The following PDE1A variants were observed in gnomAD, a reference collection of about 807,000 sequenced individuals.
PDE1A encodes phosphodiesterase 1A.
A neutral mutation model predicts 61.7 loss-of-function variants in PDE1A; 35 were observed. That is an observed-to-expected ratio of 0.57 (90% CI 0.43 to 0.75). The LOEUF is 0.75. Among genes scored for constraint, PDE1A ranks in the 30% least tolerant of loss-of-function variants. The pLI, the probability that PDE1A is intolerant of heterozygous loss-of-function variation, is 0.00. For synonymous variants in PDE1A, 232 were observed against 213.2 expected (o/e 1.09, Z -0.77); for missense variants, 597 against 630.6 (o/e 0.95, Z 0.57).
At chr2:182,207,629 G>A (rs989374785) in intron 7 of PDE1A, among the ~76,000 whole-genome samples, 4 of 152,212 alleles carry the variant, frequency 2.6e-5, no homozygotes, top group Non-Finnish European at 5.9e-5. Flanking sequence ...CATTTTCTGG[G>A]GAGGAATTCA....
chr2:182,476,111 T>G (rs1179846412), intron 2 of PDE1A, among the ~76,000 whole-genome samples: 1 of 151,962 alleles, frequency 6.6e-6, no homozygotes, highest in Non-Finnish European at 1.5e-5. Flanking sequence ...GTGACCAATT[T>G]TCATTTAAAG....
intron 12 of PDE1A, 150 bp downstream of exon 12, chr2:182,186,318 A>T: frequency 1.1e-6 from 1 of 934,826 alleles, no homozygotes; most frequent in Non-Finnish European, 1.6e-6. Flanking sequence ...TCAAAGGCAG[A>T]TGCAATATAA....
intron 1 of PDE1A, among the ~76,000 whole-genome samples, chr2:182,411,236 T>C (rs1169268483): frequency 1.3e-5 from 2 of 152,220 alleles, no homozygotes; most frequent in Admixed American, 1.3e-4. Flanking sequence ...ATTAGTGTTG[T>C]CTGTTGCTGA....
intron 1 of PDE1A, among the ~76,000 whole-genome samples, chr2:182,286,149 G>A (rs1037431686): frequency 1.3e-5 from 2 of 152,022 alleles, no homozygotes; most frequent in Non-Finnish European, 2.9e-5. Flanking sequence ...CAAATATGAC[G>A]CTAGAAAGCT....
chr2:182,350,231 C>T (rs1698790526), intron 1 of PDE1A, among the ~76,000 whole-genome samples: 1 of 152,102 alleles, frequency 6.6e-6, no homozygotes, highest in African/African-American at 2.4e-5. Flanking sequence ...ATTAATGTAT[C>T]TTGTTGTTTG....
At chr2:182,200,392 C>T (rs1175481521) in intron 10 of PDE1A, among the ~76,000 whole-genome samples, 5 of 152,124 alleles carry the variant, frequency 3.3e-5, no homozygotes, top group Non-Finnish European at 5.9e-5. Flanking sequence ...TGAGTTCAAT[C>T]GCATGTCCAA....
chr2:182,289,151 A>G (rs1206105492), intron 1 of PDE1A, among the ~76,000 whole-genome samples: 1 of 151,986 alleles, frequency 6.6e-6, no homozygotes, highest in East Asian at 1.9e-4. Flanking sequence ...ACCAATATTT[A>G]CCTATTCTGT....
intron 4 of PDE1A, among the ~76,000 whole-genome samples, chr2:182,232,299 C>A (rs2125649665): frequency 6.6e-6 from 1 of 152,290 alleles, no homozygotes; most frequent in Non-Finnish European, 1.5e-5. Flanking sequence ...TTATCAGAAA[C>A]TGCTAGCAGG....
Position 182,382,074 on chromosome 2 carries a change from A to AC in PDE1A, c.53+44503dup, listed in dbSNP as rs1395147211. ...TTTGGTAGGTAGACTTCTAGGAATG[A>AC]CCCCCCAATAACCCTTACCTTTTTA... On this transcript the variant is annotated intron_variant, in intron 1 of 13. Transcript: ENST00000351439. Among the ~76,000 whole-genome samples, 6 of 151,892 alleles carry AC rather than the reference A, an allele frequency of 4.0e-5. No homozygotes were observed. In the East Asian group the frequency reaches 7.7e-4, roughly 20 times the overall value.
chr2:182,665,474 A>T, the PDE1A span, among the ~76,000 whole-genome samples: 3 of 152,228 alleles, frequency 2.0e-5, no homozygotes, highest in Non-Finnish European at 4.4e-5. Flanking sequence ...AAAATTTGAC[A>T]TCACTGATCA....
At chr2:182,710,425 T>C in the PDE1A span, among the ~76,000 whole-genome samples, 4 of 152,342 alleles carry the variant, frequency 2.6e-5, no homozygotes, top group African/African-American at 7.2e-5. Context: ...TTATTAACTA[T>C]AGTCACTAGG....
At chr2:182,315,934 A>T (rs949108530) in intron 1 of PDE1A, among the ~76,000 whole-genome samples, 1 of 152,202 alleles carries the variant, frequency 6.6e-6, no homozygotes, top group Non-Finnish European at 1.5e-5. Flanking sequence ...GGGAACATTG[A>T]TGATAGGTGT....
chr2:182,657,206 A>G, the PDE1A span, among the ~76,000 whole-genome samples: 5,665 of 152,260 alleles, frequency 0.037, 143 homozygotes, highest in East Asian at 0.087. Flanking sequence ...CTGGTGACAG[A>G]TCGAGACTCC....
intron 1 of PDE1A, among the ~76,000 whole-genome samples, chr2:182,272,099 A>G (rs1693066900): frequency 6.6e-6 from 1 of 152,134 alleles, no homozygotes. Context: ...ATAAAGAAAA[A>G]CATTAGAGAG....
chr2:182,186,221 A>G, intron 12 of PDE1A, 142 bp from the exon 13 acceptor site: 1 of 875,562 alleles, frequency 1.1e-6, no homozygotes, highest in East Asian at 2.6e-5. Flanking sequence ...GCAGCTGCTC[A>G]TCTCCTTTCT....
chr2:182,242,088 G>C (rs1004341754), intron 2 of PDE1A: 19 of 1,295,034 alleles, frequency 1.5e-5, no homozygotes, highest in Non-Finnish European at 1.9e-5. Flanking sequence ...ATGTCACCAT[G>C]CTCCAAGCAT....
chr2:182,300,962 A>T (rs1695203568), intron 1 of PDE1A, among the ~76,000 whole-genome samples: 1 of 152,188 alleles, frequency 6.6e-6, no homozygotes, highest in African/African-American at 2.4e-5. Flanking sequence ...TTGCAAGTTG[A>T]TAATATCTGA....
chr2:182,158,904 A>G (rs1321933213), intron 13 of PDE1A, among the ~76,000 whole-genome samples: 3 of 152,224 alleles, frequency 2.0e-5, no homozygotes, highest in Admixed American at 6.5e-5. Flanking sequence ...AATTAAATAC[A>G]TATGACAGAG....
intron 1 of PDE1A, among the ~76,000 whole-genome samples, chr2:182,401,914 G>T (rs11692649): frequency 0.73 from 111,338 of 152,034 alleles, 41,100 homozygotes; most frequent in East Asian, 0.95. Context: ...TGAGTGAACT[G>T]CCATTCACAA....
Sources: allele counts gnomAD v4.1 joint callset (sites outside exome capture counted in the v4.1 genomes callset), GRCh38; gene constraint gnomAD v4.1.1; transcripts MANE v1.5; gene names NCBI Gene and HGNC (gene_info 2026-07-23, HGNC 2026-07-21).